Variants in F5 observed in about 807,000 individuals in gnomAD.
F5 encodes the protein activated protein c cofactor.
Under a neutral mutation model 216.4 loss-of-function variants are expected in F5, and 138 were observed. That is an observed-to-expected ratio of 0.64 (90% CI 0.56 to 0.73). The LOEUF (loss-of-function observed/expected upper bound fraction) is 0.73. Among genes scored for constraint, F5 ranks in the 30% least tolerant of loss-of-function variants. The pLI is 0.00. For synonymous variants in F5, 916 were observed against 930.7 expected (o/e 0.98, Z 0.29); for missense variants, 2,403 against 2,674.0 (o/e 0.90, Z 2.24).
At chr1:169,534,636 C>T (rs1289060150) in intron 14 of F5, among the ~76,000 whole-genome samples, 2 of 151,336 alleles carry the variant, frequency 1.3e-5, no homozygotes, top group African/African-American at 2.4e-5. Flanking sequence ...CCTCTGTACT[C>T]CAGCCTGGGC....
intron 24 of F5, 84 bp downstream of exon 24, chr1:169,515,360 C>A: frequency 6.7e-7 from 1 of 1,483,676 alleles, no homozygotes; most frequent in Non-Finnish European, 9.3e-7. Context: ...CATGTCACTG[C>A]ATATTTGTCA....
chr1:169,540,213 A>G (rs1571572116), intron 13 of F5, 81 bp downstream of exon 13: 3 of 1,499,550 alleles, frequency 2.0e-6, no homozygotes, highest in East Asian at 2.3e-5. Flanking sequence ...TTTGCCCACA[A>G]TTATCCCCCT....
intron 1 of F5, among the ~76,000 whole-genome samples, chr1:169,583,931 G>C (rs1328522736): frequency 6.6e-6 from 1 of 152,176 alleles, no homozygotes; most frequent in Non-Finnish European, 1.5e-5. Flanking sequence ...GAGGGAAAGG[G>C]GAAAAGTAGA....
At chr1:169,540,255 T>C in intron 13 of F5, 39 bp downstream of exon 13, 1 of 1,606,684 alleles carries the variant, frequency 6.2e-7, no homozygotes, top group Non-Finnish European at 8.5e-7. Context: ...TCAGCAGTAA[T>C]GGAAAAATGA....
In F5 at chr1:169,528,936, T is replaced by G. The variant is rs559657020; in HGVS notation, c.5419+672A>C. Among the ~76,000 whole-genome samples, 3 of 152,328 alleles carry G rather than the reference T, an allele frequency of 2.0e-5. No individual in the cohort carries two copies. The East Asian group carries it at 5.8e-4, about 29-fold the overall frequency. ...GATCATTTGGGCATCCTTCAAATTA[T>G]ATCAGGCGTGAGAACACCTATCTAC... is the stretch of plus-strand genomic sequence containing the variant. On this transcript the variant is annotated intron_variant, in intron 16 of 24. Transcript: ENST00000367797.
intron 2 of F5, among the ~76,000 whole-genome samples, chr1:169,579,370 C>T (rs753044760): frequency 2.6e-5 from 4 of 152,124 alleles, no homozygotes; most frequent in Non-Finnish European, 5.9e-5. Context: ...TGTCTGCAGC[C>T]TTCTCTTCTC....
chr1:169,545,537 G>A (rs1447719476), intron 11 of F5, among the ~76,000 whole-genome samples: 1 of 152,006 alleles, frequency 6.6e-6, no homozygotes, highest in African/African-American at 2.4e-5. Context: ...TTTAAATTAC[G>A]CATGTAGCTC....
chr1:169,556,717 G>A lies in F5; in HGVS notation c.881C>T (p.Thr294Ile). The A allele has an allele frequency of 1.9e-6, 3 of 1,614,130 alleles. No individual in the cohort carries two copies. The highest frequency in any genetic ancestry group is 2.5e-6 in the Non-Finnish European group (3 of 1,180,010). Reference protein sequence around the residue: ...SAITLVSATSTTANMTVGPEG... With the variant: ...SAITLVSATSITANMTVGPEG... The stretch of plus-strand genomic sequence containing the variant: ...TGGGCCCACAGTCATATTTGCGGTA[G>A]TGGATGTAGCACTGACAAGGGTGAT... Residue 294 changes from threonine (T) to isoleucine (I), a missense_variant, in exon 6 of 25, where the codon ACT (threonine) becomes ATT (isoleucine). Physicochemically the swap from Thr to Ile is moderately conservative, Grantham distance 89. Around this residue, in one of 4 missense-constraint regions of F5, gnomAD observed 1,425 missense variants for 1,554.8 expected, o/e 0.92. Coordinates refer to ENST00000367797, the MANE Select transcript of F5 (RefSeq NM_000130.5).
chr1:169,515,108 G>A (rs1218655338), intron 24 of F5, among the ~76,000 whole-genome samples: 1 of 151,980 alleles, frequency 6.6e-6, no homozygotes, highest in Non-Finnish European at 1.5e-5. Context: ...ATTCTTGTTG[G>A]CATGTACCTT....
intron 21 of F5, among the ~76,000 whole-genome samples, chr1:169,521,068 C>T (rs189659117): frequency 6.6e-6 from 1 of 152,184 alleles, no homozygotes; most frequent in Admixed American, 6.5e-5. Context: ...TGAAAAAGCC[C>T]AAATAAAATC....
chr1:169,534,308 T>A (rs1158883385), intron 14 of F5, among the ~76,000 whole-genome samples: 1 of 152,206 alleles, frequency 6.6e-6, no homozygotes, highest in Non-Finnish European at 1.5e-5. Flanking sequence ...GGGGTTTTTG[T>A]CTGTGGCTTG....
At chr1:169,531,165 A>G in intron 14 of F5, 143 bp from the exon 15 acceptor site, 1 of 677,180 alleles carries the variant, frequency 1.5e-6, no homozygotes, top group South Asian at 1.7e-5. Context: ...ATATTATTTC[A>G]TTTAATTTTC....
At chr1:169,564,025 C>T (rs1448816820) in intron 3 of F5, among the ~76,000 whole-genome samples, 3 of 152,068 alleles carry the variant, frequency 2.0e-5, no homozygotes, top group African/African-American at 7.2e-5. Context: ...GAAATCAAAT[C>T]TTGTTTTTTA....
chr1:169,560,311 G>A (rs951668285), intron 4 of F5, among the ~76,000 whole-genome samples: 1 of 152,126 alleles, frequency 6.6e-6, no homozygotes, highest in African/African-American at 2.4e-5. Context: ...TCTCAAACAG[G>A]AATTTGCCTG....
At chr1:169,581,802 A>C (rs113310949) in intron 2 of F5, among the ~76,000 whole-genome samples, 66 of 151,690 alleles carry the variant, frequency 4.4e-4, no homozygotes, top group Middle Eastern at 6.8e-3. Context: ...GATTTTCTTT[A>C]AAAATTATGG....
chr1:169,527,060 G>A (rs1023497336), intron 17 of F5, among the ~76,000 whole-genome samples: 3 of 152,184 alleles, frequency 2.0e-5, no homozygotes, highest in South Asian at 2.1e-4. Flanking sequence ...AAGTGCTGTC[G>A]AGGGGCTGCC....
At chr1:169,585,465 T>C (rs1318095669) in intron 1 of F5, among the ~76,000 whole-genome samples, 1 of 152,232 alleles carries the variant, frequency 6.6e-6, no homozygotes, top group Non-Finnish European at 1.5e-5. Flanking sequence ...CTGTATGATT[T>C]AGTTAATTTC....
chr1:169,573,406 T>C (rs557394574), intron 2 of F5, among the ~76,000 whole-genome samples: 55 of 151,988 alleles, frequency 3.6e-4, no homozygotes, highest in African/African-American at 1.2e-3. Flanking sequence ...GCAGAGAGAT[T>C]AGGCAGTATA....
At chr1:169,517,470 T>C (rs1055669353) in intron 23 of F5, among the ~76,000 whole-genome samples, 2 of 152,130 alleles carry the variant, frequency 1.3e-5, no homozygotes, top group Non-Finnish European at 2.9e-5. Context: ...TGGAATTCTA[T>C]AGAAAGCCAG....
Sources: allele counts gnomAD v4.1 joint callset (sites outside exome capture counted in the v4.1 genomes callset), GRCh38; gene constraint gnomAD v4.1.1; regional missense constraint gnomAD v4.1.1; transcripts MANE v1.5; gene names NCBI Gene and HGNC (gene_info 2026-07-23, HGNC 2026-07-21).